Variants in TENM3 observed in about 807,000 individuals in gnomAD.
The protein encoded by TENM3 is teneurin-3.
Under a neutral mutation model 255.1 loss-of-function variants are expected in TENM3, and 63 were observed. The ratio of observed to expected loss-of-function variants is 0.25; its 90% CI spans 0.20 to 0.30. The LOEUF (loss-of-function observed/expected upper bound fraction) is 0.30, where lower values mean the gene tolerates loss of function less well. Ranked by LOEUF, TENM3 falls within the 10% of genes least tolerant of loss-of-function variation. TENM3 has a pLI of 1.00. For missense variants in TENM3, 2,929 were observed against 3,461.1 expected, an observed-to-expected ratio of 0.85 and a Z score of 3.86; for synonymous variants, 1,306 against 1,322.3, an observed-to-expected ratio of 0.99 and a Z score of 0.27.
chr4:182,779,685 A>G (rs1287080615), intron 24 of TENM3, among the ~76,000 whole-genome samples: 1 of 151,636 alleles, frequency 6.6e-6, no homozygotes, highest in Non-Finnish European at 1.5e-5. Context: ...ACAGTGTAAA[A>G]GTGTTCCTAT....
chr4:182,491,723 CA>C (rs1561503633), intron 3 of TENM3, among the ~76,000 whole-genome samples: 1 of 152,106 alleles, frequency 6.6e-6, no homozygotes. Context: ...TTAAACTGTT[CA>C]CCATAGATGT....
chr4:182,271,964 C>T (rs908085431), intron 1 of TENM3, among the ~76,000 whole-genome samples: 2 of 152,174 alleles, frequency 1.3e-5, no homozygotes, highest in Admixed American at 6.5e-5. Flanking sequence ...TCTGCCCTTG[C>T]GCAGTCCTCG....
the TENM3 span, among the ~76,000 whole-genome samples, chr4:181,456,740 A>T: frequency 2.0e-4 from 31 of 152,040 alleles, no homozygotes; most frequent in Middle Eastern, 3.4e-3. Flanking sequence ...ATTATTAAAA[A>T]TTTTCTGTTT....
intron 1 of TENM3, among the ~76,000 whole-genome samples, chr4:182,310,874 T>A (rs1762402694): frequency 6.6e-6 from 1 of 152,096 alleles, no homozygotes; most frequent in Non-Finnish European, 1.5e-5. Flanking sequence ...GCCCAACTAA[T>A]GTTTTTTGTA....
the TENM3 span, among the ~76,000 whole-genome samples, chr4:181,920,494 G>C: frequency 6.6e-6 from 1 of 152,190 alleles, no homozygotes. Context: ...GTGATGGTGA[G>C]CATTTTTTCA....
intron 1 of TENM3, among the ~76,000 whole-genome samples, chr4:182,225,097 T>C (rs10024627): frequency 0.063 from 9,534 of 152,240 alleles, 304 homozygotes; most frequent in Middle Eastern, 0.095. Context: ...CCTGGCTTTT[T>C]TTCATCAGAA....
Position 182,792,371 on chromosome 4 carries a change from A to T in TENM3, c.5699A>T (p.His1900Leu), listed in dbSNP as rs778145458. ...ATCACCATGCCCAGTGTGGCTCGCC[A>T]CACCATGCAGACCATCCGATCCATT... Reference protein sequence around the residue: ...SAITMPSVARHTMQTIRSIGY... With the variant: ...SAITMPSVARLTMQTIRSIGY... The change falls in exon 26 of 28, where the codon CAC becomes CTC. Residue 1900 changes from histidine to leucine, a missense_variant. This residue lies in a region of TENM3 where 303 missense variants were observed against 425.2 expected (regional missense o/e 0.71). Coordinates refer to ENST00000511685, the MANE Select transcript of TENM3 (RefSeq NM_001080477.4). This position sits in a 1 kb window ranked among gnomAD's most constrained non-coding sequence, Gnocchi z 6.3. The T allele has an allele frequency of 6.2e-7, 1 of 1,613,904 alleles. No individual in the cohort carries two copies. The highest frequency in any genetic ancestry group is 1.7e-5 in the Admixed American group (1 of 60,026).
In TENM3 at chr4:182,228,360, G is replaced by GTA. The variant is rs1242527759; in HGVS notation, c.-76+83607_-76+83608insAT. 2.5e-4 allele frequency among the ~76,000 whole-genome samples: 22 copies of GTA among 87,010 alleles called. 1 individual carries two copies. The highest frequency in any genetic ancestry group is 5.4e-4 in the Non-Finnish European group (21 of 38,894). 57.1% of individuals were successfully genotyped at this position (87,010 alleles called of 152,430 possible). A position where few individuals can be genotyped will look rare whatever the true frequency, so the allele number is the denominator to read the frequency against. ...TTAAATATATATAATGTAATGTAAT[G>GTA]TGTGTGTGTGTGTGTGTGTGTGTGT... is the stretch of plus-strand genomic sequence containing the variant. On this transcript the variant is annotated intron_variant, in intron 1 of 2. Coordinates refer to the TENM3 transcript ENST00000512480.
the TENM3 span, among the ~76,000 whole-genome samples, chr4:181,816,493 G>A: frequency 6.6e-6 from 1 of 151,982 alleles, no homozygotes; most frequent in African/African-American, 2.4e-5. Flanking sequence ...CTTTCGTCAG[G>A]TTATTATAAG....
chr4:182,384,127 G>A (rs1185774938), intron 3 of TENM3, among the ~76,000 whole-genome samples: 1 of 152,140 alleles, frequency 6.6e-6, no homozygotes, highest in East Asian at 1.9e-4. Flanking sequence ...CCTTGGACGT[G>A]ACTCAATAAT....
intron 1 of TENM3, among the ~76,000 whole-genome samples, chr4:182,192,259 G>A (rs756186089): frequency 4.6e-5 from 7 of 152,132 alleles, no homozygotes; most frequent in South Asian, 2.1e-4. Flanking sequence ...TCCACAAAGC[G>A]TAGTTACTAT....
chr4:181,892,548 A>T, the TENM3 span, among the ~76,000 whole-genome samples: 1 of 152,216 alleles, frequency 6.6e-6, no homozygotes, highest in Non-Finnish European at 1.5e-5. Context: ...AACTGGTCCC[A>T]GTTTACTTTC....
chr4:182,249,764 T>C (rs1757875545), intron 1 of TENM3, among the ~76,000 whole-genome samples: 1 of 152,104 alleles, frequency 6.6e-6, no homozygotes, highest in African/African-American at 2.4e-5. Flanking sequence ...TTTTATTTTT[T>C]ATTTATTTAG....
chr4:181,744,632 A>G, the TENM3 span, among the ~76,000 whole-genome samples: 4 of 152,188 alleles, frequency 2.6e-5, no homozygotes, highest in African/African-American at 9.7e-5. Context: ...CTAGCTGGAG[A>G]CTATTGCAAA....
chr4:182,105,123 G>A, the TENM3 span, among the ~76,000 whole-genome samples: 4 of 152,088 alleles, frequency 2.6e-5, no homozygotes, highest in Non-Finnish European at 5.9e-5. Context: ...TGAAGCGGGA[G>A]GATTGGTTGA....
intron 1 of TENM3, among the ~76,000 whole-genome samples, chr4:182,165,903 C>T (rs990643583): frequency 3.9e-5 from 6 of 152,022 alleles, no homozygotes; most frequent in South Asian, 2.1e-4. Context: ...AGCTTCTCGA[C>T]GAGTAGCTGG....
chr4:181,936,205 A>G, the TENM3 span, among the ~76,000 whole-genome samples: 4 of 152,108 alleles, frequency 2.6e-5, no homozygotes, highest in Non-Finnish European at 4.4e-5. Flanking sequence ...CAGCCTGACC[A>G]ATGTGGTGAA....
intron 3 of TENM3, among the ~76,000 whole-genome samples, chr4:182,548,418 A>T (rs1318645114): frequency 6.6e-6 from 1 of 151,926 alleles, no homozygotes; most frequent in Non-Finnish European, 1.5e-5. Flanking sequence ...TAGAACCCAG[A>T]CTCTTAACTC....
chr4:182,681,672 C>A, intron 10 of TENM3, 142 bp from the exon 11 acceptor site: 1 of 654,732 alleles, frequency 1.5e-6, no homozygotes, highest in Non-Finnish European at 2.6e-6. Flanking sequence ...TTTGCATTTT[C>A]AGAAACAAGT....
Sources: gnomAD v4.1 joint callset for allele counts (sites outside exome capture counted in the v4.1 genomes callset) on GRCh38, gnomAD v4.1.1 for gene constraint, gnomAD v4.1.1 regional missense constraint, Gnocchi (gnomAD v3.1) non-coding constraint, MANE v1.5 for transcripts, NCBI Gene and HGNC (gene_info 2026-07-23, HGNC 2026-07-21) for gene names.